Variants in GALNT18 observed in about 807,000 individuals in gnomAD.
GALNT18 encodes polypeptide N-acetylgalactosaminyltransferase 18, also known as GalNAc-transferase 18.
In GALNT18, 44 loss-of-function variants were observed where a neutral mutation model predicts 69.5. The observed-to-expected ratio is 0.63, with a 90% CI of 0.50 to 0.81. The LOEUF (loss-of-function observed/expected upper bound fraction) is 0.81, where lower values mean the gene tolerates loss of function less well. GALNT18 is among the 40% of genes least tolerant of loss of function. The pLI, the probability that GALNT18 is intolerant of heterozygous loss-of-function variation, is 0.00. For missense variants in GALNT18, 715 were observed against 810.0 expected (o/e 0.88, Z 1.42); for synonymous variants, 364 against 318.2 (o/e 1.14, Z -1.53).
chr11:11,276,643 G>T (rs914910480), intron 10 of GALNT18, among the ~76,000 whole-genome samples: 13 of 152,084 alleles, frequency 8.5e-5, no homozygotes, highest in Non-Finnish European at 1.3e-4. Flanking sequence ...TATTGGCTGT[G>T]GGTTTGTCAT....
intron 7 of GALNT18, among the ~76,000 whole-genome samples, chr11:11,334,517 T>C (rs1850076598): frequency 6.7e-6 from 1 of 149,456 alleles, no homozygotes; most frequent in Admixed American, 6.8e-5. Flanking sequence ...CACTCCAGCC[T>C]GGGCGACAGA....
At chr11:11,334,213 A>T (rs1377443673) in intron 7 of GALNT18, among the ~76,000 whole-genome samples, 1 of 152,172 alleles carries the variant, frequency 6.6e-6, no homozygotes, top group Non-Finnish European at 1.5e-5. Flanking sequence ...AAACAGGGCA[A>T]ATTTTTGACA....
intron 6 of GALNT18, among the ~76,000 whole-genome samples, chr11:11,348,425 C>A (rs1288190927): frequency 1.3e-5 from 2 of 148,236 alleles, no homozygotes; most frequent in Non-Finnish European, 3.0e-5. Context: ...CAAATCTGGA[C>A]AAGGCCAACA....
In GALNT18 at chr11:11,459,939, G is replaced by A. The variant is rs778151435; in HGVS notation, c.236-11003C>T. Reference sequence around the variant, plus strand: ...TCTGGAGGAGAGATTCTGTTTCCATGCTCTTCCCAGTTTCCAGAGGCTGCC... The same window carrying A: ...TCTGGAGGAGAGATTCTGTTTCCATACTCTTCCCAGTTTCCAGAGGCTGCC... On this transcript the variant is annotated intron_variant, in intron 1 of 10. Coordinates refer to ENST00000227756, the MANE Select transcript of GALNT18 (RefSeq NM_198516.3). The surrounding 1 kb of genome is among the most constrained non-coding windows in gnomAD (Gnocchi z 5.0). 3.3e-5 allele frequency among the ~76,000 whole-genome samples: 5 copies of A among 152,158 alleles called. No individual in the cohort carries two copies. The highest frequency in any genetic ancestry group is 7.3e-5 in the Non-Finnish European group (5 of 68,038).
In GALNT18 at chr11:11,563,803, T is replaced by A. The variant is rs1858576488; in HGVS notation, c.235+57556A>T. Among the ~76,000 whole-genome samples, 1 of 152,236 alleles carries A rather than the reference T, an allele frequency of 6.6e-6. No individual in the cohort carries two copies. Among genetic ancestry groups the A allele is most frequent in the Non-Finnish European group, 1.5e-5 (1 of 68,042 alleles). On this transcript the variant is annotated intron_variant, in intron 1 of 10. Coordinates refer to ENST00000227756, the MANE Select transcript of GALNT18 (RefSeq NM_198516.3). The surrounding 1 kb of genome is among the most constrained non-coding windows in gnomAD (Gnocchi z 4.6). Reference sequence around the variant, plus strand: ...AAAGCAGCTCTTTTCTATCCAGAACTATAAATATCCAGAGAGAGGGAGACG... The same window carrying A: ...AAAGCAGCTCTTTTCTATCCAGAACAATAAATATCCAGAGAGAGGGAGACG...
chr11:11,499,572 A>G (rs1424762269), intron 1 of GALNT18, among the ~76,000 whole-genome samples: 8 of 152,110 alleles, frequency 5.3e-5, no homozygotes, highest in Admixed American at 3.3e-4. Flanking sequence ...TTGCTCTGCC[A>G]TCTGCTATCT....
intron 1 of GALNT18, among the ~76,000 whole-genome samples, chr11:11,561,027 G>A (rs774071409): frequency 2.3e-4 from 35 of 152,130 alleles, no homozygotes; most frequent in Non-Finnish European, 4.3e-4. Flanking sequence ...GCATTTTAAC[G>A]AAAAAGTCAC....
intron 1 of GALNT18, chr11:11,475,266 G>A (rs531607453): frequency 3.3e-4 from 50 of 152,222 alleles, no homozygotes; most frequent in African/African-American, 1.2e-3. Flanking sequence ...ACATTACAGT[G>A]ACTGCATCTC....
chr11:11,559,645 C>CGATGG (rs10688208), intron 1 of GALNT18, among the ~76,000 whole-genome samples: 148,496 of 149,476 alleles, frequency 0.99, 73,765 homozygotes, highest in Non-Finnish European at 1. Flanking sequence ...GGATGGGATG[C>CGATGG]GATGGGATGG....
intron 6 of GALNT18, among the ~76,000 whole-genome samples, chr11:11,353,613 C>A (rs2133070496): frequency 6.6e-6 from 1 of 152,228 alleles, no homozygotes; most frequent in Admixed American, 6.5e-5. Flanking sequence ...CTCTCTGAAG[C>A]TTAATCGAAT....
chr11:11,487,801 C>G (rs549440700), intron 1 of GALNT18, among the ~76,000 whole-genome samples: 1 of 152,344 alleles, frequency 6.6e-6, no homozygotes, highest in East Asian at 1.9e-4. Flanking sequence ...ACTCTGTCCT[C>G]CTTTCTACTG....
chr11:11,515,433 C>T (rs1857252832), intron 1 of GALNT18, among the ~76,000 whole-genome samples: 1 of 152,352 alleles, frequency 6.6e-6, no homozygotes, highest in Middle Eastern at 3.4e-3. Context: ...GAACCTAAGT[C>T]TCTGTGTGCC....
At chr11:11,306,284 G>T (rs1042301644) in intron 9 of GALNT18, among the ~76,000 whole-genome samples, 2 of 152,138 alleles carry the variant, frequency 1.3e-5, no homozygotes, top group Non-Finnish European at 2.9e-5. Flanking sequence ...GATAACATAT[G>T]GTCAATGTGG....
At chr11:11,437,181 G>A (rs1015006198) in intron 2 of GALNT18, among the ~76,000 whole-genome samples, 1 of 152,186 alleles carries the variant, frequency 6.6e-6, no homozygotes, top group Non-Finnish European at 1.5e-5. Context: ...CAGCCCTTCC[G>A]TGTTTAAGCT....
chr11:11,330,843 A>G (rs1850006380), intron 8 of GALNT18, among the ~76,000 whole-genome samples: 1 of 152,200 alleles, frequency 6.6e-6, no homozygotes, highest in African/African-American at 2.4e-5. Flanking sequence ...GGCCACATGT[A>G]CACACCTCTA....
chr11:11,557,907 G>A (rs1490480478), intron 1 of GALNT18, among the ~76,000 whole-genome samples: 1 of 152,222 alleles, frequency 6.6e-6, no homozygotes, highest in Non-Finnish European at 1.5e-5. Flanking sequence ...TGAAGCAGAA[G>A]CTGATTATTT....
chr11:11,298,409 C>A (rs1306217491), intron 9 of GALNT18, among the ~76,000 whole-genome samples: 2 of 152,238 alleles, frequency 1.3e-5, no homozygotes, highest in Non-Finnish European at 2.9e-5. Context: ...CAGTTGCTCT[C>A]TCCCCTCCTT....
At chr11:11,437,214 G>A (rs539038504) in intron 2 of GALNT18, among the ~76,000 whole-genome samples, 5 of 152,286 alleles carry the variant, frequency 3.3e-5, no homozygotes, top group African/African-American at 9.6e-5. Context: ...ACAACTGCAC[G>A]AGACCGAGCC....
chr11:11,425,374 A>G (rs1367984781), intron 3 of GALNT18, among the ~76,000 whole-genome samples: 5 of 152,190 alleles, frequency 3.3e-5, no homozygotes, highest in Admixed American at 3.3e-4. Context: ...AGCAGGAGAC[A>G]AGTGATGGGC....
Sources: allele counts gnomAD v4.1 joint callset (sites outside exome capture counted in the v4.1 genomes callset), GRCh38; gene constraint gnomAD v4.1.1; non-coding constraint Gnocchi (gnomAD v3.1); transcripts MANE v1.5; gene names NCBI Gene and HGNC (gene_info 2026-07-23, HGNC 2026-07-21).